CHORDC1: variants seen among roughly 807,000 people sequenced by gnomAD.
CHORDC1 encodes the protein cysteine and histidine rich domain containing 1.
A neutral mutation model predicts 48.3 loss-of-function variants in CHORDC1; 25 were observed. The observed-to-expected ratio is 0.52, with a 90% confidence interval of 0.38 to 0.72. CHORDC1 has a LOEUF of 0.72. CHORDC1 is among the 30% of genes least tolerant of loss of function. The pLI is 0.00. For missense variants in CHORDC1, 317 were observed against 388.7 expected (o/e 0.82, Z 1.55); for synonymous variants, 128 against 126.4 (o/e 1.01, Z -0.09).
intron 2 of CHORDC1, among the ~76,000 whole-genome samples, chr11:90,217,313 T>A (rs1385504086): frequency 6.6e-6 from 1 of 152,170 alleles, no homozygotes; most frequent in Non-Finnish European, 1.5e-5. Context: ...CCTAAAACCA[T>A]GGCAGCCCTA....
chr11:90,216,612 AG>A (rs1858019036), intron 2 of CHORDC1: 3 of 408,636 alleles, frequency 7.3e-6, no homozygotes, highest in Non-Finnish European at 9.5e-6. Flanking sequence ...CAAAAGAGAG[AG>A]AAGCAAAAAT....
In CHORDC1 at chr11:90,206,469, G is replaced by A. The variant is rs574497091; in HGVS notation, c.493-197C>T. 6.1e-6 allele frequency: 3 copies of A among 493,536 alleles called. No homozygotes were observed. The South Asian group carries it at 6.9e-5, about 11-fold the overall frequency. The allele number at this position is 493,536 out of a possible 1,614,324, so 30.6% of individuals were successfully genotyped here. A position where few individuals can be genotyped will look rare whatever the true frequency, so the allele number is the denominator to read the frequency against. ...CCCTTTTGGACTTGGTTAAGTTTTA[G>A]GTTCCTTTGAGAAAGTCATATTAAG... is the stretch of plus-strand genomic sequence containing the variant. On this transcript the variant is annotated intron_variant, in intron 6 of 10. Transcript: ENST00000320585.
chr11:90,211,181 A>AAAT (rs1857851074), intron 5 of CHORDC1, 34 bp downstream of exon 5: 2 of 1,400,218 alleles, frequency 1.4e-6, no homozygotes, highest in Non-Finnish European at 2.0e-6. Flanking sequence ...CTGTACCAGA[A>AAAT]AATAATTAAC....
At chr11:90,217,987 G>C (rs570905501) in intron 2 of CHORDC1, 148 bp downstream of exon 2, 4 of 466,142 alleles carry the variant, frequency 8.6e-6, no homozygotes, top group Admixed American at 8.8e-5. Context: ...TTTGTCTTTA[G>C]TGGAGTATAC....
intron 4 of CHORDC1, 113 bp from the exon 5 acceptor site, chr11:90,211,431 T>G (rs529435829): frequency 1.4e-6 from 1 of 700,632 alleles, no homozygotes; most frequent in African/African-American, 1.8e-5. Context: ...GTGTATCAAA[T>G]GATTCCCATT....
chr11:90,221,746 T>C (rs1038548853), intron 1 of CHORDC1, among the ~76,000 whole-genome samples: 1 of 152,202 alleles, frequency 6.6e-6, no homozygotes, highest in Non-Finnish European at 1.5e-5. Context: ...GAGTATTGCA[T>C]AGGTTGGATT....
At chr11:90,207,870 C>A (rs1438097721) in intron 6 of CHORDC1, 3 of 148,144 alleles carry the variant, frequency 2.0e-5, no homozygotes, top group Non-Finnish European at 4.5e-5. Context: ...ACAAATACAA[C>A]CACCTTGGAA....
intron 4 of CHORDC1, 160 bp from the exon 5 acceptor site, chr11:90,211,478 A>G: frequency 1.8e-6 from 1 of 551,306 alleles, no homozygotes; most frequent in Non-Finnish European, 3.2e-6. Flanking sequence ...AATTGTTACA[A>G]TGTATCTACA....
intron 5 of CHORDC1, 147 bp from the exon 6 acceptor site, chr11:90,210,741 T>C: frequency 3.3e-6 from 2 of 603,884 alleles, no homozygotes; most frequent in Non-Finnish European, 5.9e-6. Context: ...AATTGATATA[T>C]GACACATTTC....
intron 2 of CHORDC1, among the ~76,000 whole-genome samples, chr11:90,216,874 C>T (rs1749270415): frequency 6.6e-6 from 1 of 151,828 alleles, no homozygotes; most frequent in African/African-American, 2.4e-5. Flanking sequence ...AATGAATGAA[C>T]TGAATGAGAG....
chr11:90,206,321 A>C (rs1004878357), intron 6 of CHORDC1, 49 bp from the exon 7 acceptor site: 2 of 976,088 alleles, frequency 2.0e-6, no homozygotes, highest in Admixed American at 3.8e-5. Flanking sequence ...TCTTACAGTT[A>C]CATCTCATAC....
At chr11:90,205,635 G>A in intron 7 of CHORDC1, 70 bp from the exon 8 acceptor site, 1 of 955,122 alleles carries the variant, frequency 1.0e-6, no homozygotes. Flanking sequence ...GTATTTTAGG[G>A]ATAAATCTGA....
At chr11:90,205,891 G>A (rs1857667205) in intron 7 of CHORDC1, 1 of 442,884 alleles carries the variant, frequency 2.3e-6, no homozygotes. Context: ...TAAATGCCCT[G>A]CAATGTGTAG....
rs1393856021 is a variant in CHORDC1, at chr11:90,202,810, T to TA, written c.852+2dup. 1.9e-6 allele frequency: 3 copies of TA among 1,594,058 alleles called. No individual in the cohort carries two copies. Among genetic ancestry groups the TA allele is most frequent in the Non-Finnish European group, 2.6e-6 (3 of 1,172,464 alleles). Reference sequence around the variant, plus strand: ...AAAATTCTTATAAATTTGTAATACTTACACCCCATAATTTCACATTTTGAT... The same window carrying TA: ...AAAATTCTTATAAATTTGTAATACTTAACACCCCATAATTTCACATTTTGAT... On this transcript the variant is annotated splice_region_variant and intron_variant, in intron 10 of 10. Transcript: ENST00000320585.
intron 2 of CHORDC1, among the ~76,000 whole-genome samples, chr11:90,215,538 T>C (rs1857987433): frequency 6.6e-6 from 1 of 151,974 alleles, no homozygotes; most frequent in African/African-American, 2.4e-5. Context: ...AAGAAAAACA[T>C]GTTATAATTC....
Position 90,201,935 on chromosome 11 carries a change from C to G in CHORDC1, c.*470G>C, listed in dbSNP as rs1369856497. On this transcript the variant is annotated 3_prime_UTR_variant, in exon 11 of 11. Coordinates refer to ENST00000320585, the MANE Select transcript of CHORDC1 (RefSeq NM_012124.3). ...CCTCCTTAAAAAAGTAATCATCCCACATAGAAAAAACTGCAGAGCTTCATC... is the reference window on the plus strand; with the variant it reads ...CCTCCTTAAAAAAGTAATCATCCCAGATAGAAAAAACTGCAGAGCTTCATC... 1 of 152,352 alleles carries G rather than the reference C, an allele frequency of 6.6e-6. No individual in the cohort carries two copies. The highest frequency in any genetic ancestry group is 1.5e-5 in the Non-Finnish European group (1 of 68,156). 9.4% of individuals were successfully genotyped at this position (152,352 alleles called of 1,614,324 possible).
rs1857523593 is a variant in CHORDC1 at position 90,200,651 on chromosome 11, T to TGA, written c.*1753_*1754insTC. Among the ~76,000 whole-genome samples, 1 of 151,804 alleles carries TGA rather than the reference T, an allele frequency of 6.6e-6. No individual in the cohort carries two copies. Among genetic ancestry groups the TGA allele is most frequent in the Non-Finnish European group, 1.5e-5 (1 of 67,842 alleles). ...AATATAAAAGCTACATATGTATGTGTGTGTGTGTGTGTATAAATCAATGTT... is the reference window on the plus strand; with the variant it reads ...AATATAAAAGCTACATATGTATGTGTGAGTGTGTGTGTGTATAAATCAATGTT... On this transcript the variant is annotated 3_prime_UTR_variant, in exon 11 of 11. Transcript: ENST00000320585.
Position 90,202,379 on chromosome 11 carries a change from G to A in CHORDC1, c.*26C>T, listed in dbSNP as rs1298310428. 1 of 1,606,784 alleles carries A rather than the reference G, an allele frequency of 6.2e-7. No homozygotes were observed. The highest frequency in any genetic ancestry group is 1.3e-5 in the African/African-American group (1 of 74,754). On this transcript the variant is annotated 3_prime_UTR_variant, in exon 11 of 11. Coordinates refer to ENST00000320585, the MANE Select transcript of CHORDC1 (RefSeq NM_012124.3). ...ACAGTATTAAAAATTCGGAAATAAT[G>A]TAATAGCCTTCCTTCCATCTCCCAC...
At position 90,202,816 on chromosome 11, in the gene CHORDC1, C is replaced by G; in HGVS notation, c.849G>C (p.Trp283Cys). 6.3e-7 allele frequency: 1 copy of G among 1,596,014 alleles called. No individual in the cohort carries two copies. The highest frequency in any genetic ancestry group is 8.5e-7 in the Non-Finnish European group (1 of 1,173,150). ...CTTATAAATTTGTAATACTTACACCCCATAATTTCACATTTTGATCAAATT... is the reference window on the plus strand; with the variant it reads ...CTTATAAATTTGTAATACTTACACCGCATAATTTCACATTTTGATCAAATT... ...EKEFDQNVKL[W>C]GVIDVKRSYV... The change falls in exon 10 of 11, where the codon TGG (tryptophan) becomes TGC (cysteine). Residue 283 changes from tryptophan (W) to cysteine (C), a missense_variant. Transcript: ENST00000320585.
Sources: allele counts gnomAD v4.1 joint callset (sites outside exome capture counted in the v4.1 genomes callset), GRCh38; gene constraint gnomAD v4.1.1; transcripts MANE v1.5; gene names NCBI Gene and HGNC (gene_info 2026-07-23, HGNC 2026-07-21).